IRF4: variants seen among roughly 807,000 people sequenced by gnomAD.
The protein encoded by IRF4 is lymphocyte-specific interferon regulatory factor.
A neutral mutation model predicts 55.5 loss-of-function variants in IRF4; 13 were observed. The observed-to-expected ratio is 0.23, with a 90% confidence interval of 0.15 to 0.37. The LOEUF is 0.37. Ranked by LOEUF, IRF4 falls within the 10% of genes least tolerant of loss-of-function variation. IRF4 has a pLI of 1.00. For missense variants in IRF4, 397 were observed against 593.8 expected (o/e 0.67, Z 3.44); for synonymous variants, 249 against 240.7 (o/e 1.03, Z -0.32).
intron 8 of IRF4, 130 bp downstream of exon 8, chr6:405,260 T>C (rs949177495): frequency 1.6e-6 from 1 of 627,186 alleles, no homozygotes; most frequent in Non-Finnish European, 2.8e-6. Flanking sequence ...ACCCTTAAAC[T>C]AGTGAGGGAG....
At position 395,923 on chromosome 6, in the gene IRF4, G is replaced by A. The variant is rs148022406; in HGVS notation, c.480G>A (p.Ser160=). Residue 160 remains serine (S), a synonymous_variant, in exon 4 of 9, where the codon TCG becomes TCA. Coordinates refer to ENST00000380956, the MANE Select transcript of IRF4 (RefSeq NM_002460.4). Reference sequence around the variant, plus strand: ...ACACCATGACAACGCCTTACCCTTCGCTCCCAGCCCAGGTATGGTGGAGGG... The same window carrying A: ...ACACCATGACAACGCCTTACCCTTCACTCCCAGCCCAGGTATGGTGGAGGG... ...HPYTMTTPYP[S]LPAQQVHNYM... is the part of the protein sequence containing the mutation. The A allele has an allele frequency of 2.4e-4, 395 of 1,612,964 alleles. No individual in the cohort carries two copies. Among genetic ancestry groups the A allele is most frequent in the Non-Finnish European group, 3.1e-4 (366 of 1,179,438 alleles).
At chr6:407,023 G>A (rs1217684735) in intron 8 of IRF4, 2 of 464,480 alleles carry the variant, frequency 4.3e-6, no homozygotes, top group Non-Finnish European at 5.8e-6. Context: ...CTCTGGTTGA[G>A]AACTATACAG....
intron 7 of IRF4, among the ~76,000 whole-genome samples, chr6:403,798 C>A (rs1005499953): frequency 1.3e-5 from 2 of 152,168 alleles, no homozygotes; most frequent in Non-Finnish European, 2.9e-5. Flanking sequence ...GGATTCCCAC[C>A]AAACACTCTC....
intron 5 of IRF4, 137 bp from the exon 6 acceptor site, chr6:398,691 C>A (rs1047028405): frequency 3.5e-6 from 2 of 573,460 alleles, no homozygotes; most frequent in Non-Finnish European, 3.1e-6. Context: ...CTGCTAGTTG[C>A]TGGTGCTGGG....
chr6:395,561 G>GAAACAT (rs1761229562), intron 3 of IRF4, among the ~76,000 whole-genome samples: 1 of 152,170 alleles, frequency 6.6e-6, no homozygotes, highest in South Asian at 2.1e-4. Flanking sequence ...CCTCACTTGG[G>GAAACAT]AAACATCTGG....
At chr6:401,935 G>T (rs2127440468) in intron 7 of IRF4, 158 bp downstream of exon 7, 2 of 629,280 alleles carry the variant, frequency 3.2e-6, no homozygotes, top group East Asian at 5.5e-5. Context: ...GAGATCTTCT[G>T]TCTGGCTCTG....
chr6:405,898 A>T (rs907522583), intron 8 of IRF4, among the ~76,000 whole-genome samples: 1 of 152,214 alleles, frequency 6.6e-6, no homozygotes, highest in Admixed American at 6.5e-5. Flanking sequence ...TCACATTGCT[A>T]CATACTTGCA....
At chr6:401,318 T>C in intron 6 of IRF4, 106 bp from the exon 7 acceptor site, 1 of 820,904 alleles carries the variant, frequency 1.2e-6, no homozygotes, top group Non-Finnish European at 1.9e-6. Context: ...CCACGGGACA[T>C]GTGGGACACT....
chr6:404,969 C>T (rs372284220), intron 7 of IRF4, 49 bp from the exon 8 acceptor site: 17 of 1,166,244 alleles, frequency 1.5e-5, no homozygotes, highest in Non-Finnish European at 1.7e-5. Flanking sequence ...CTGGTGTGTT[C>T]GGTGATGAGG....
rs6942173 is a variant in IRF4, at chr6:397,269, T to G, written c.637+17T>G. The stretch of plus-strand genomic sequence containing the variant: ...GTGAAAATGGTAAGGAGGATACCAG[T>G]GCAGGAAATAGAAGAGCTAATTGCT... On this transcript the variant is annotated intron_variant, in intron 5 of 8. Coordinates refer to ENST00000380956, the MANE Select transcript of IRF4 (RefSeq NM_002460.4). 109,470 of 1,612,970 alleles carry G rather than the reference T, an allele frequency of 0.068. 3,959 individuals are homozygous for G. Among genetic ancestry groups the G allele is most frequent in the Middle Eastern group, 0.093 (561 of 6,054 alleles).
At chr6:406,624 C>G (rs1045091515) in intron 8 of IRF4, 7 of 197,488 alleles carry the variant, frequency 3.5e-5, no homozygotes, top group Admixed American at 6.4e-5. Flanking sequence ...ATGCAAGTCA[C>G]TGTCCTCTAA....
At position 391,776 on chromosome 6, in the gene IRF4, C is replaced by T. The variant is rs1391760266; in HGVS notation, c.-89C>T. The T allele has an allele frequency of 2.6e-5, 12 of 456,086 alleles. No homozygotes were observed. The highest frequency in any genetic ancestry group is 1.4e-4 in the Admixed American group (6 of 42,562). 28.3% of individuals were successfully genotyped at this position (456,086 alleles called of 1,614,324 possible). A position where few individuals can be genotyped will look rare whatever the true frequency, so the allele number is the denominator to read the frequency against. ...CAGTTTCACCGCTCGATCTTGGGAC[C>T]CACCGCTGCCCTCAGCTCCGAGTCC... On this transcript the variant is annotated 5_prime_UTR_variant, in exon 1 of 9. Transcript: ENST00000380956.
In IRF4 at chr6:406,721, C is replaced by A. The variant is rs371017508; in HGVS notation, c.1213-734C>A. On this transcript the variant is annotated intron_variant, in intron 8 of 8. Coordinates refer to ENST00000380956, the MANE Select transcript of IRF4 (RefSeq NM_002460.4). ...TAAAATGAATAAACACACGTGTACA[C>A]CTATGAGTTCCACTTTTAAAAATTA... The A allele has an allele frequency of 7.5e-6, 8 of 1,069,472 alleles. No individual in the cohort carries two copies. In the African/African-American group the frequency reaches 1.0e-4, roughly 14 times the overall value. The allele number at this position is 1,069,472 out of a possible 1,614,324, so 66.2% of individuals were successfully genotyped here. A position where few individuals can be genotyped will look rare whatever the true frequency, so the allele number is the denominator to read the frequency against.
At position 408,759 on chromosome 6, in the gene IRF4, C is replaced by T. The variant is rs1034194801; in HGVS notation, c.*1161C>T. On this transcript the variant is annotated 3_prime_UTR_variant, in exon 9 of 9. Transcript: ENST00000380956. ...ACTAAAGGAGGAGGAGCCGGGGACTCCCAGGCTGGAGAGCACTGCCAGGAC... is the reference window on the plus strand; with the variant it reads ...ACTAAAGGAGGAGGAGCCGGGGACTTCCAGGCTGGAGAGCACTGCCAGGAC... 3 of 232,790 alleles carry T rather than the reference C, an allele frequency of 1.3e-5. No homozygotes were observed. Among genetic ancestry groups the T allele is most frequent in the Non-Finnish European group, 2.5e-5 (3 of 117,720 alleles). 14.4% of individuals were successfully genotyped at this position (232,790 alleles called of 1,614,324 possible). A position where few individuals can be genotyped will look rare whatever the true frequency, so the allele number is the denominator to read the frequency against.
In IRF4 at chr6:394,982, G is replaced by A; in HGVS notation, c.378G>A (p.Arg126=). Residue 126 remains arginine, a synonymous_variant, in exon 3 of 9, where the codon AGG becomes AGA. Coordinates refer to ENST00000380956, the MANE Select transcript of IRF4 (RefSeq NM_002460.4). ...TCTCAGACCCGTACAAAGTGTACAGGATTGTTCCTGAGGGAGCCAAAAAAG... is the reference window on the plus strand; with the variant it reads ...TCTCAGACCCGTACAAAGTGTACAGAATTGTTCCTGAGGGAGCCAAAAAAG... The part of the protein sequence containing the change: ...LDISDPYKVY[R]IVPEGAKKGA... 6.2e-7 allele frequency: 1 copy of A among 1,610,152 alleles called. No individual in the cohort carries two copies. Among genetic ancestry groups the A allele is most frequent in the Non-Finnish European group, 8.5e-7 (1 of 1,178,418 alleles).
In IRF4 at chr6:394,833, T is replaced by C; in HGVS notation, c.229T>C (p.Phe77Leu). Residue 77 changes from phenylalanine (F) to leucine (L), a missense_variant, in exon 3 of 9, where the codon TTT (phenylalanine) becomes CTT (leucine). Coordinates refer to ENST00000380956, the MANE Select transcript of IRF4 (RefSeq NM_002460.4). ...TCTTTCCCACCAGGCTTGGGCACTGTTTAAAGGAAAGTTCCGAGAAGGCAT... is the reference window on the plus strand; with the variant it reads ...TCTTTCCCACCAGGCTTGGGCACTGCTTAAAGGAAAGTTCCGAGAAGGCAT... ...DAALFKAWAL[F>L]KGKFREGIDK... 1 of 1,613,730 alleles carries C rather than the reference T, an allele frequency of 6.2e-7. No homozygotes were observed. Among genetic ancestry groups the C allele is most frequent in the Non-Finnish European group, 8.5e-7 (1 of 1,179,848 alleles).
Position 410,047 on chromosome 6 carries a change from A to G in IRF4, c.*2449A>G. On this transcript the variant is annotated 3_prime_UTR_variant, in exon 9 of 9. Coordinates refer to ENST00000380956, the MANE Select transcript of IRF4 (RefSeq NM_002460.4). The stretch of plus-strand genomic sequence containing the variant: ...GTATGACCTAGGGAATGAACTAGCT[A>G]TGAAATACTCAGGGTTAGGAATCCT... 4.4e-6 allele frequency: 1 copy of G among 226,974 alleles called. No individual in the cohort carries two copies. Among genetic ancestry groups the G allele is most frequent in the South Asian group, 1.8e-4 (1 of 5,478 alleles). 14.1% of individuals were successfully genotyped at this position (226,974 alleles called of 1,614,324 possible).
Position 393,688 on chromosome 6 carries a change from C to T in IRF4, c.216+320C>T, listed in dbSNP as rs1475744597. ...GTTCGTCCGTGCGTTCTCGTTTCCA[C>T]GCAAGCCTCCCGCCCTTCCTCCGGG... On this transcript the variant is annotated intron_variant, in intron 2 of 8. Coordinates refer to ENST00000380956, the MANE Select transcript of IRF4 (RefSeq NM_002460.4). This position sits in a 1 kb window ranked among gnomAD's most constrained non-coding sequence, Gnocchi z 5.4. Among the ~76,000 whole-genome samples the T allele has an allele frequency of 6.6e-6, 1 of 152,146 alleles. No individual in the cohort carries two copies. Among genetic ancestry groups the T allele is most frequent in the Admixed American group, 6.5e-5 (1 of 15,282 alleles).
Position 397,142 on chromosome 6 carries a change from G to A in IRF4, c.527G>A (p.Arg176Gln), listed in dbSNP as rs999945656. The stretch of plus-strand genomic sequence containing the variant: ...AACTACATGATGCCACCCCTCGACC[G>A]AAGCTGGAGGGACTACGTCCCGGAT... ...VHNYMMPPLD[R>Q]SWRDYVPDQP... Residue 176 changes from arginine to glutamine, a missense_variant, in exon 5 of 9, where the codon CGA becomes CAA. Physicochemically the swap from Arg to Gln is conservative, Grantham distance 43 (BLOSUM62 1). Coordinates refer to ENST00000380956, the MANE Select transcript of IRF4 (RefSeq NM_002460.4). 5.6e-6 allele frequency: 9 copies of A among 1,614,072 alleles called. No homozygotes were observed. Among genetic ancestry groups the A allele is most frequent in the African/African-American group, 1.3e-5 (1 of 74,930 alleles).
Sources: allele counts gnomAD v4.1 joint callset (sites outside exome capture counted in the v4.1 genomes callset), GRCh38; gene constraint gnomAD v4.1.1; non-coding constraint Gnocchi (gnomAD v3.1); transcripts MANE v1.5; gene names NCBI Gene and HGNC (gene_info 2026-07-23, HGNC 2026-07-21).